The following THBS2 variants were observed in gnomAD, a reference collection of about 807,000 sequenced individuals.
The protein encoded by THBS2 is thrombospondin 2, also known as thrombospondin-2.
Under a neutral mutation model 135.2 loss-of-function variants are expected in THBS2, and 47 were observed. The ratio of observed to expected loss-of-function variants is 0.35; its 90% confidence interval spans 0.28 to 0.44. The LOEUF is 0.44. THBS2 is among the 20% of genes least tolerant of loss of function. The pLI is 1.00. For synonymous variants in THBS2, 639 were observed against 633.8 expected (o/e 1.01, Z -0.12); for missense variants, 1,288 against 1,603.1 (o/e 0.80, Z 3.36).
chr6:169,228,358 T>C (rs74773464), intron 14 of THBS2, 77 bp from the exon 15 acceptor site: 64,267 of 1,527,722 alleles, frequency 0.042, 1,709 homozygotes, highest in South Asian at 0.097. Context: ...TTATAAGTTA[T>C]GTACTCAAGG....
At position 169,222,388 on chromosome 6, in the gene THBS2, C is replaced by T. The variant is rs769462618; in HGVS notation, c.3082G>A (p.Val1028Ile). 1.9e-5 allele frequency: 30 copies of T among 1,613,590 alleles called. No individual in the cohort carries two copies. The highest frequency in any genetic ancestry group is 1.6e-4 in the Middle Eastern group (1 of 6,084). ...CGGCTGCTTGACTGGTAACCAAAGACGAAGCCGGCATAGTCGTCGTCCCGG... is the reference window on the plus strand; with the variant it reads ...CGGCTGCTTGACTGGTAACCAAAGATGAAGCCGGCATAGTCGTCGTCCCGG... ...TDRDDDYAGF[V>I]FGYQSSSRFY... The change falls in exon 19 of 22, where the codon GTC becomes ATC. Residue 1028 changes from valine to isoleucine, a missense_variant. This residue lies in a region of THBS2 where 874 missense variants were observed against 1,156.1 expected (regional missense o/e 0.76). Transcript: ENST00000617924.
intron 12 of THBS2, 148 bp from the exon 13 acceptor site, chr6:169,232,346 C>T (rs1431276942): frequency 1.1e-6 from 1 of 903,616 alleles, no homozygotes. Context: ...TGGACACGCA[C>T]TTGAGGTGCT....
chr6:169,242,483 C>T (rs963347719), intron 4 of THBS2, among the ~76,000 whole-genome samples: 2 of 151,826 alleles, frequency 1.3e-5, no homozygotes, highest in African/African-American at 4.8e-5. Context: ...AAAGAAAATT[C>T]ACTATCCTCT....
rs138017175 is a variant in THBS2, at chr6:169,222,364, G to A, written c.3106C>T (p.Arg1036Cys). Residue 1036 changes from arginine (R) to cysteine (C), a missense_variant, in exon 19 of 22, where the codon CGC becomes TGC. This residue lies in a region of THBS2 where 874 missense variants were observed against 1,156.1 expected (regional missense o/e 0.76). Transcript: ENST00000617924. ...GFVFGYQSSS[R>C]FYVVMWKQVT... is the part of the protein sequence containing the mutation. Reference sequence around the variant, plus strand: ...TGCTTCCACATCACCACATAGAAGCGGCTGCTTGACTGGTAACCAAAGACG... The same window carrying A: ...TGCTTCCACATCACCACATAGAAGCAGCTGCTTGACTGGTAACCAAAGACG... 7.4e-6 allele frequency: 12 copies of A among 1,613,696 alleles called. No individual in the cohort carries two copies. Among genetic ancestry groups the A allele is most frequent in the Admixed American group, 1.7e-5 (1 of 60,024 alleles).
At chr6:169,232,632 C>G (rs779882128) in intron 12 of THBS2, 32 bp downstream of exon 12, 2 of 1,564,548 alleles carry the variant, frequency 1.3e-6, no homozygotes, top group Admixed American at 1.9e-5. Context: ...CAAAGCCGCT[C>G]GCAACACACA....
intron 2 of THBS2, 50 bp from the exon 3 acceptor site, chr6:169,249,023 G>A (rs375011312): frequency 1.7e-5 from 26 of 1,536,690 alleles, no homozygotes; most frequent in Non-Finnish European, 2.1e-5. Flanking sequence ...AAGAGGGCGA[G>A]GTTGGCCTGA....
At chr6:169,242,969 CCACCTTCCCACCTTCCCACATTCG>C (rs1218376580) in intron 4 of THBS2, among the ~76,000 whole-genome samples, 51 of 138,042 alleles carry the variant, frequency 3.7e-4, no homozygotes, top group Non-Finnish European at 5.8e-4. Context: ...CCCACTGCTC[CCACCTTCCCACCTTCCCACATTCG>C]CACCTTCCCA....
chr6:169,237,136 C>G (rs369731495), intron 9 of THBS2, 34 bp downstream of exon 9: 8 of 1,574,502 alleles, frequency 5.1e-6, no homozygotes, highest in Non-Finnish European at 6.9e-6. Context: ...CCTGCAAGCC[C>G]GCCCACCCAG....
intron 13 of THBS2, 50 bp from the exon 14 acceptor site, chr6:169,229,729 T>C (rs1779766512): frequency 2.0e-6 from 3 of 1,478,682 alleles, no homozygotes; most frequent in African/African-American, 1.4e-5. Flanking sequence ...GGAAAGCGCC[T>C]CTTTCAGGAA....
At chr6:169,233,946 GCAC>G (rs1451936925) in intron 10 of THBS2, among the ~76,000 whole-genome samples, 2 of 146,256 alleles carry the variant, frequency 1.4e-5, no homozygotes, top group African/African-American at 5.1e-5. Context: ...AACTGCCCAC[GCAC>G]CACCTTCTAC....
intron 9 of THBS2, 145 bp downstream of exon 9, chr6:169,237,025 G>A: frequency 1.1e-6 from 1 of 904,752 alleles, no homozygotes. Context: ...CCAGGCCCGG[G>A]ATGGCAGCCC....
At position 169,220,250 on chromosome 6, in the gene THBS2, A is replaced by G; in HGVS notation, c.3459T>C (p.Phe1153=). 6.2e-7 allele frequency: 1 copy of G among 1,613,974 alleles called. No homozygotes were observed. The highest frequency in any genetic ancestry group is 1.1e-5 in the South Asian group (1 of 91,080). The part of the protein sequence containing the change: ...QTYAGGRLGL[F]VFSQEMVYFS... ...AATAGACCATTTCTTGAGAGAAGAC[A>G]AATAGACCCAGCCGCCCGCCAGCGT... Residue 1153 remains phenylalanine, a synonymous_variant, in exon 21 of 22, where the codon TTT becomes TTC. Coordinates refer to ENST00000617924, the MANE Select transcript of THBS2 (RefSeq NM_003247.5).
In THBS2 at chr6:169,232,727, C is replaced by T. The variant is rs772439581; in HGVS notation, c.1869G>A (p.Pro623=). 1 of 1,613,938 alleles carries T rather than the reference C, an allele frequency of 6.2e-7. No individual in the cohort carries two copies. Among genetic ancestry groups the T allele is most frequent in the Non-Finnish European group, 8.5e-7 (1 of 1,179,924 alleles). ...TQPGFHCLPC[P]PRYRGNQPVG... ...CGGGCTGGTTCCCTCTGTATCGGGG[C>T]GGGCAGGGCAGGCAGTGGAAGCCAG... is the stretch of plus-strand genomic sequence containing the variant. The change falls in exon 12 of 22, where the codon CCG becomes CCA. Residue 623 remains proline, a synonymous_variant. Coordinates refer to ENST00000617924, the MANE Select transcript of THBS2 (RefSeq NM_003247.5).
Position 169,237,320 on chromosome 6 carries a change from A to G in THBS2, c.1327T>C (p.Trp443Arg). Reference sequence around the variant, plus strand: ...ACAGAGCATGAAGACCAAGGTGACCAGTGGCTCCAGCCGCCGTCCTGCCGG... The same window carrying G: ...ACAGAGCATGAAGACCAAGGTGACCGGTGGCTCCAGCCGCCGTCCTGCCGG... ...RIRQDGGWSH[W>R]SPWSSCSVTC... Residue 443 changes from tryptophan to arginine, a missense_variant, in exon 9 of 22, where the codon TGG becomes CGG. Physicochemically the swap from Trp to Arg is moderately radical, Grantham distance 101 (BLOSUM62 -3). Transcript: ENST00000617924. 6.2e-7 allele frequency: 1 copy of G among 1,613,322 alleles called. No homozygotes were observed. The highest frequency in any genetic ancestry group is 8.5e-7 in the Non-Finnish European group (1 of 1,180,018).
At chr6:169,236,519 TCC>T (rs1203873886) in intron 9 of THBS2, among the ~76,000 whole-genome samples, 1 of 103,988 alleles carries the variant, frequency 9.6e-6, no homozygotes, top group African/African-American at 3.8e-5. Flanking sequence ...CTACACTCAC[TCC>T]CCATCCACAC....
intron 15 of THBS2, among the ~76,000 whole-genome samples, chr6:169,227,507 A>G (rs1201304186): frequency 6.6e-6 from 1 of 152,202 alleles, no homozygotes; most frequent in African/African-American, 2.4e-5. Context: ...TTTTGAATGA[A>G]GGGTGAACAT....
rs1419340900 is a variant in THBS2, at chr6:169,241,679, G to A, written c.891+83C>T. The A allele has an allele frequency of 3.6e-6, 5 of 1,407,290 alleles. No individual in the cohort carries two copies. Among genetic ancestry groups the A allele is most frequent in the Non-Finnish European group, 3.9e-6 (4 of 1,031,340 alleles). 87.2% of individuals were successfully genotyped at this position (1,407,290 alleles called of 1,614,324 possible). ...CGAGCATGAGGCACTGCCAAGCCAG[G>A]GAATGTTGATACCTGCTGAGATGGG... On this transcript the variant is annotated intron_variant, in intron 5 of 21. Coordinates refer to ENST00000617924, the MANE Select transcript of THBS2 (RefSeq NM_003247.5). The surrounding 1 kb of genome is among the most constrained non-coding windows in gnomAD (Gnocchi z 5.5).
rs760821549 is a variant in THBS2, at chr6:169,241,632, T to C, written c.891+130A>G. The C allele has an allele frequency of 7.7e-5, 72 of 940,300 alleles. No individual in the cohort carries two copies. Among genetic ancestry groups the C allele is most frequent in the Non-Finnish European group, 1.1e-4 (67 of 629,324 alleles). 58.2% of individuals were successfully genotyped at this position (940,300 alleles called of 1,614,324 possible). A position where few individuals can be genotyped will look rare whatever the true frequency, so the allele number is the denominator to read the frequency against. ...TGAGGAGCCCGGCAGACACCTCCCC[T>C]GTGAACTGTGGGTTTTTACATCGAG... On this transcript the variant is annotated intron_variant, in intron 5 of 21. Coordinates refer to ENST00000617924, the MANE Select transcript of THBS2 (RefSeq NM_003247.5). The surrounding 1 kb of genome is among the most constrained non-coding windows in gnomAD (Gnocchi z 5.5).
At chr6:169,232,296 GTCCCA>G in intron 12 of THBS2, 98 bp from the exon 13 acceptor site, 1 of 1,346,882 alleles carries the variant, frequency 7.4e-7, no homozygotes, top group Non-Finnish European at 1.0e-6. Flanking sequence ...AGCAGGTCCG[GTCCCA>G]AGCGGACCCA....
Sources: allele counts gnomAD v4.1 joint callset (sites outside exome capture counted in the v4.1 genomes callset), GRCh38; gene constraint gnomAD v4.1.1; regional missense constraint gnomAD v4.1.1; non-coding constraint Gnocchi (gnomAD v3.1); transcripts MANE v1.5; gene names NCBI Gene and HGNC (gene_info 2026-07-23, HGNC 2026-07-21).